Variants in BICC1 observed in about 807,000 individuals in gnomAD.
The protein encoded by BICC1 is BicC family RNA binding protein 1, also known as protein bicaudal C homolog 1.
Under a neutral mutation model 111.0 loss-of-function variants are expected in BICC1, and 43 were observed. The ratio of observed to expected loss-of-function variants is 0.39; its 90% CI spans 0.30 to 0.50. BICC1 has a LOEUF of 0.50. Among genes scored for constraint, BICC1 ranks in the 20% least tolerant of loss-of-function variants. BICC1 has a pLI of 0.88. For synonymous variants in BICC1, 467 were observed against 434.4 expected (o/e 1.07, Z -0.93); for missense variants, 1,091 against 1,203.2 (o/e 0.91, Z 1.38).
At chr10:58,700,124 A>C (rs1840186476) in intron 2 of BICC1, among the ~76,000 whole-genome samples, 1 of 152,320 alleles carries the variant, frequency 6.6e-6, no homozygotes, top group African/African-American at 2.4e-5. Flanking sequence ...GTTGTAAATA[A>C]GTAAGTTCAG....
At chr10:58,756,324 T>G (rs1842143342) in intron 3 of BICC1, among the ~76,000 whole-genome samples, 1 of 152,210 alleles carries the variant, frequency 6.6e-6, no homozygotes, top group Admixed American at 6.5e-5. Context: ...CAAGCATTCC[T>G]GTGTGAAATG....
chr10:58,694,958 G>A (rs1015989342), intron 2 of BICC1, among the ~76,000 whole-genome samples: 1 of 152,144 alleles, frequency 6.6e-6, no homozygotes, highest in Non-Finnish European at 1.5e-5. Context: ...CCTCCACAAG[G>A]AGTCACATGA....
intron 3 of BICC1, among the ~76,000 whole-genome samples, chr10:58,766,069 A>G (rs947628591): frequency 6.6e-6 from 1 of 152,196 alleles, no homozygotes; most frequent in Non-Finnish European, 1.5e-5. Context: ...GGCTCACTTC[A>G]GTTCTTCGTC....
intron 2 of BICC1, among the ~76,000 whole-genome samples, chr10:58,682,567 G>T (rs547658275): frequency 6.6e-6 from 1 of 152,106 alleles, no homozygotes; most frequent in Non-Finnish European, 1.5e-5. Flanking sequence ...ATTCTAACTG[G>T]TGTGAGATGG....
intron 1 of BICC1, among the ~76,000 whole-genome samples, chr10:58,612,417 A>G (rs999692271): frequency 6.6e-6 from 1 of 152,232 alleles, no homozygotes; most frequent in African/African-American, 2.4e-5. Flanking sequence ...CAGTTAATAT[A>G]CAGAATAAAA....
intron 2 of BICC1, among the ~76,000 whole-genome samples, chr10:58,638,121 A>T (rs965117590): frequency 6.6e-6 from 1 of 152,134 alleles, no homozygotes; most frequent in Admixed American, 6.5e-5. Flanking sequence ...TTTAACTAAT[A>T]CGATGACTTT....
chr10:58,512,815 G>A (rs988291152), upstream of BICC1, among the ~76,000 whole-genome samples: 1 of 150,094 alleles, frequency 6.7e-6, no homozygotes, highest in Admixed American at 6.6e-5. Flanking sequence ...TAGGGGCGGC[G>A]GGCGGGGAGG....
chr10:58,642,441 G>A (rs1028629503), intron 2 of BICC1, among the ~76,000 whole-genome samples: 1 of 152,114 alleles, frequency 6.6e-6, no homozygotes, highest in African/African-American at 2.4e-5. Context: ...AGAATGATGA[G>A]TTCTAGGTTG....
chr10:58,784,613 A>G (rs1490201876), intron 3 of BICC1, among the ~76,000 whole-genome samples: 1 of 152,192 alleles, frequency 6.6e-6, no homozygotes, highest in Non-Finnish European at 1.5e-5. Flanking sequence ...GCTGTGGATT[A>G]AGTGAATTGA....
intron 2 of BICC1, among the ~76,000 whole-genome samples, chr10:58,664,374 AT>A (rs1838942608): frequency 1.3e-5 from 2 of 152,082 alleles, no homozygotes; most frequent in Non-Finnish European, 2.9e-5. Context: ...TATGTTTGAG[AT>A]TTTGCTAATT....
At chr10:58,726,546 T>C (rs941893533) in intron 3 of BICC1, among the ~76,000 whole-genome samples, 1 of 152,216 alleles carries the variant, frequency 6.6e-6, no homozygotes, top group Non-Finnish European at 1.5e-5. Context: ...TGCCGTTGTA[T>C]ACTCAAGTAT....
chr10:58,619,986 A>C (rs950392002), intron 1 of BICC1, among the ~76,000 whole-genome samples: 25 of 152,106 alleles, frequency 1.6e-4, no homozygotes, highest in African/African-American at 6.0e-4. Context: ...TCACTTCAGT[A>C]CCTTTCTTTG....
chr10:58,689,887 T>A (rs918237018), intron 2 of BICC1, among the ~76,000 whole-genome samples: 1 of 152,174 alleles, frequency 6.6e-6, no homozygotes, highest in Admixed American at 6.5e-5. Context: ...TATGACACTT[T>A]TCAGTTTTAG....
intron 2 of BICC1, among the ~76,000 whole-genome samples, chr10:58,679,363 G>A (rs558421630): frequency 6.2e-4 from 94 of 152,274 alleles, no homozygotes; most frequent in Admixed American, 4.3e-3. Flanking sequence ...TCTCACTACT[G>A]ATTGCACAGA....
intron 18 of BICC1, chr10:58,814,318 G>A: frequency 1.7e-6 from 1 of 589,782 alleles, no homozygotes; most frequent in Non-Finnish European, 3.0e-6. Flanking sequence ...AAGTGTCCAT[G>A]TGTCAAGTAT....
chr10:58,767,774 G>A (rs901238311), intron 3 of BICC1, among the ~76,000 whole-genome samples: 6 of 151,938 alleles, frequency 3.9e-5, no homozygotes, highest in Admixed American at 6.6e-5. Context: ...GATATACATC[G>A]TAAAATAGAA....
chr10:58,679,774 G>GTT (rs1238269880), intron 2 of BICC1, among the ~76,000 whole-genome samples: 3 of 152,158 alleles, frequency 2.0e-5, no homozygotes, highest in Admixed American at 6.5e-5. Flanking sequence ...GAACATCAAT[G>GTT]CAAAAATCCT....
At chr10:58,575,138 C>T (rs1016881004) in intron 1 of BICC1, among the ~76,000 whole-genome samples, 5 of 151,918 alleles carry the variant, frequency 3.3e-5, no homozygotes, top group African/African-American at 9.7e-5. Flanking sequence ...AGGTTTTAAG[C>T]CCCACGTGCA....
rs182710492 is a variant in BICC1 at position 58,531,406 on chromosome 10, C to T, written c.190+18073C>T. ...CATCTCTGTAAAAGGTTTGAGAGACCGCCAGAATCTCTAGCTGGGCTGATT... is the reference window on the plus strand; with the variant it reads ...CATCTCTGTAAAAGGTTTGAGAGACTGCCAGAATCTCTAGCTGGGCTGATT... On this transcript the variant is annotated intron_variant, in intron 1 of 20. Coordinates refer to ENST00000373886, the MANE Select transcript of BICC1 (RefSeq NM_001080512.3). Among the ~76,000 whole-genome samples the T allele has an allele frequency of 7.9e-5, 12 of 151,868 alleles. No individual in the cohort carries two copies. The East Asian group carries it at 2.0e-3, about 25-fold the overall frequency.
Sources: allele counts gnomAD v4.1 joint callset (sites outside exome capture counted in the v4.1 genomes callset), GRCh38; gene constraint gnomAD v4.1.1; transcripts MANE v1.5; gene names NCBI Gene and HGNC (gene_info 2026-07-23, HGNC 2026-07-21).